The following KLHL29 variants were observed in gnomAD, a reference collection of about 807,000 sequenced individuals.
KLHL29 encodes the protein kelch like family member 29.
In KLHL29, 21 loss-of-function variants were observed where a neutral mutation model predicts 80.4. The ratio of observed to expected loss-of-function variants is 0.26; its 90% confidence interval spans 0.19 to 0.38. The LOEUF is 0.38. Among genes scored for constraint, KLHL29 ranks in the 10% least tolerant of loss-of-function variants. The probability of loss-of-function intolerance (pLI) is 1.00; values close to 1 mark genes in which losing one functional copy is unlikely to be tolerated. For synonymous variants in KLHL29, 511 were observed against 526.8 expected (o/e 0.97, Z 0.41); for missense variants, 867 against 1,223.9 (o/e 0.71, Z 4.35).
chr2:23,386,862 C>T (rs533297809), intron 1 of KLHL29, among the ~76,000 whole-genome samples: 2 of 152,180 alleles, frequency 1.3e-5, no homozygotes, highest in African/African-American at 4.8e-5. Flanking sequence ...GGACGCGCTG[C>T]CTGCCTGCGG....
intron 2 of KLHL29, among the ~76,000 whole-genome samples, chr2:23,516,711 G>T (rs564963317): frequency 6.6e-6 from 1 of 152,238 alleles, no homozygotes; most frequent in Non-Finnish European, 1.5e-5. Context: ...GGGCTGGGAA[G>T]TGGACCCTCG....
chr2:23,500,838 G>A lies in KLHL29; in HGVS notation c.-46+25171G>A, dbSNP rs796343385. Reference sequence around the variant, plus strand: ...GGATTTCAAATCCTGCACGTGGAGTGAGTAGCTTTTTTGAGTTCAGTTCAC... The same window carrying A: ...GGATTTCAAATCCTGCACGTGGAGTAAGTAGCTTTTTTGAGTTCAGTTCAC... On this transcript the variant is annotated intron_variant, in intron 2 of 13. Coordinates refer to ENST00000486442, the MANE Select transcript of KLHL29 (RefSeq NM_052920.2). 1.7e-4 allele frequency among the ~76,000 whole-genome samples: 26 copies of A among 152,320 alleles called. 1 individual carries two copies. The highest frequency in any genetic ancestry group is 6.3e-4 in the African/African-American group (26 of 41,566).
intron 1 of KLHL29, among the ~76,000 whole-genome samples, chr2:23,422,501 C>T (rs1010261301): frequency 5.5e-5 from 8 of 146,492 alleles, no homozygotes; most frequent in Non-Finnish European, 1.0e-4. Context: ...GTGTCTGCCT[C>T]TGTGTGTTAT....
intron 1 of KLHL29, among the ~76,000 whole-genome samples, chr2:23,421,597 G>A (rs993131745): frequency 1.5e-5 from 2 of 134,510 alleles, no homozygotes; most frequent in South Asian, 2.6e-4. Context: ...TGTCTGTGTC[G>A]GCATGTCTGC....
intron 2 of KLHL29, among the ~76,000 whole-genome samples, chr2:23,561,344 G>A (rs1265702698): frequency 6.6e-6 from 1 of 152,194 alleles, no homozygotes; most frequent in African/African-American, 2.4e-5. Context: ...GTATCATGGT[G>A]TGTCCAGGTC....
chr2:23,538,666 G>A (rs1044291446), intron 2 of KLHL29, among the ~76,000 whole-genome samples: 1 of 152,194 alleles, frequency 6.6e-6, no homozygotes, highest in Non-Finnish European at 1.5e-5. Context: ...TAGCTGTCTG[G>A]GCTGCACATT....
chr2:23,562,012 T>A lies in KLHL29; in HGVS notation c.-45-140T>A. The stretch of plus-strand genomic sequence containing the variant: ...GTGGGGCTAATTAATGATCCATGCT[T>A]TGTGGGCTAGCGTGACTCTGAAATG... On this transcript the variant is annotated intron_variant, in intron 2 of 13. Transcript: ENST00000486442. The surrounding 1 kb of genome is among the most constrained non-coding windows in gnomAD (Gnocchi z 4.5). 1.5e-6 allele frequency: 1 copy of A among 648,162 alleles called. No individual in the cohort carries two copies. Among genetic ancestry groups the A allele is most frequent in the Non-Finnish European group, 2.6e-6 (1 of 380,496 alleles). 40.2% of individuals were successfully genotyped at this position (648,162 alleles called of 1,614,324 possible).
chr2:23,391,325 A>G (rs1666317359), intron 1 of KLHL29, among the ~76,000 whole-genome samples: 1 of 152,172 alleles, frequency 6.6e-6, no homozygotes, highest in Non-Finnish European at 1.5e-5. Flanking sequence ...GGTTGCTTCC[A>G]TGTTGTAGCT....
At chr2:23,643,958 C>CGAAA (rs1669849241) in intron 5 of KLHL29, 1 of 150,884 alleles carries the variant, frequency 6.6e-6, no homozygotes, top group African/African-American at 2.5e-5. Context: ...CTCTGCCTTT[C>CGAAA]GGCAGAGCAA....
intron 1 of KLHL29, among the ~76,000 whole-genome samples, chr2:23,432,925 A>G (rs1663224084): frequency 6.6e-6 from 1 of 152,218 alleles, no homozygotes; most frequent in Non-Finnish European, 1.5e-5. Flanking sequence ...GAGACAGGAA[A>G]GGGCATGGTG....
chr2:23,388,649 A>G (rs1178249750), intron 1 of KLHL29, among the ~76,000 whole-genome samples: 1 of 152,124 alleles, frequency 6.6e-6, no homozygotes, highest in African/African-American at 2.4e-5. Context: ...TCCTTCTTTT[A>G]TCAATTGATT....
rs1008635497 is a variant in KLHL29, at chr2:23,562,515, G to A, written c.285+34G>A. On this transcript the variant is annotated intron_variant, in intron 3 of 13. Coordinates refer to ENST00000486442, the MANE Select transcript of KLHL29 (RefSeq NM_052920.2). The surrounding 1 kb of genome is among the most constrained non-coding windows in gnomAD (Gnocchi z 4.5). ...TGGTGTCATCTCTGAGCAGGAGCCGGACAGAGGGGCCCTGCCTCCCTGCAG... is the reference window on the plus strand; with the variant it reads ...TGGTGTCATCTCTGAGCAGGAGCCGAACAGAGGGGCCCTGCCTCCCTGCAG... The A allele has an allele frequency of 6.5e-7, 1 of 1,531,188 alleles. No individual in the cohort carries two copies. The highest frequency in any genetic ancestry group is 8.7e-7 in the Non-Finnish European group (1 of 1,144,904). The allele number at this position is 1,531,188 out of a possible 1,614,324, so 94.9% of individuals were successfully genotyped here. A position where few individuals can be genotyped will look rare whatever the true frequency, so the allele number is the denominator to read the frequency against.
At chr2:23,572,594 A>G (rs1264580657) in intron 3 of KLHL29, among the ~76,000 whole-genome samples, 1 of 152,102 alleles carries the variant, frequency 6.6e-6, no homozygotes, top group East Asian at 1.9e-4. Flanking sequence ...TTATTAATTT[A>G]TTTAGCCACT....
intron 5 of KLHL29, among the ~76,000 whole-genome samples, chr2:23,674,209 C>T (rs915552499): frequency 4.6e-5 from 7 of 152,206 alleles, no homozygotes; most frequent in Non-Finnish European, 7.3e-5. Flanking sequence ...GCTCTGCACA[C>T]GTGCCGATTT....
At position 23,566,873 on chromosome 2, in the gene KLHL29, A is replaced by C. The variant is rs77264172; in HGVS notation, c.285+4392A>C. Among the ~76,000 whole-genome samples, 106 of 152,354 alleles carry C rather than the reference A, an allele frequency of 7.0e-4. 1 individual carries two copies. In the East Asian group the frequency reaches 0.018, roughly 25 times the overall value. The stretch of plus-strand genomic sequence containing the variant: ...TTAATTTTAGAAAGATAAACCATTG[A>C]CTGGGTCTACCCAGTTATTCATACA... On this transcript the variant is annotated intron_variant, in intron 3 of 13. Transcript: ENST00000486442.
intron 5 of KLHL29, among the ~76,000 whole-genome samples, chr2:23,653,939 G>T (rs1269019124): frequency 6.6e-6 from 1 of 152,080 alleles, no homozygotes; most frequent in Non-Finnish European, 1.5e-5. Flanking sequence ...GGCTGAGGCG[G>T]GTAGATCACC....
Position 23,680,041 on chromosome 2 carries a change from C to G in KLHL29, c.941-4358C>G, listed in dbSNP as rs935546880. On this transcript the variant is annotated intron_variant, in intron 5 of 13. Coordinates refer to ENST00000486442, the MANE Select transcript of KLHL29 (RefSeq NM_052920.2). The surrounding 1 kb of genome is among the most constrained non-coding windows in gnomAD (Gnocchi z 4.1). Reference sequence around the variant, plus strand: ...GAGGGCTGTGCTGCCCCTTCAGCCCCGAAGGATTTGTGTGGCCAGTGGCTG... The same window carrying G: ...GAGGGCTGTGCTGCCCCTTCAGCCCGGAAGGATTTGTGTGGCCAGTGGCTG... Among the ~76,000 whole-genome samples, 20 of 152,110 alleles carry G rather than the reference C, an allele frequency of 1.3e-4. No individual in the cohort carries two copies. The highest frequency in any genetic ancestry group is 1.3e-3 in the Admixed American group (20 of 15,280).
intron 2 of KLHL29, among the ~76,000 whole-genome samples, chr2:23,548,272 C>A (rs1667028586): frequency 6.6e-6 from 1 of 151,790 alleles, no homozygotes; most frequent in South Asian, 2.1e-4. Context: ...GGCACCCAGA[C>A]ACACAGGCGC....
chr2:23,585,987 T>C lies in KLHL29; in HGVS notation c.285+23506T>C, dbSNP rs977897939. On this transcript the variant is annotated intron_variant, in intron 3 of 13. Transcript: ENST00000486442. ...GCTGGGATGTGGCTGATGGGCTTTTTTCATTCCCAATGTTTAAGCCTAGCC... is the reference window on the plus strand; with the variant it reads ...GCTGGGATGTGGCTGATGGGCTTTTCTCATTCCCAATGTTTAAGCCTAGCC... 5.3e-5 allele frequency among the ~76,000 whole-genome samples: 8 copies of C among 152,278 alleles called. No individual in the cohort carries two copies. In the East Asian group the frequency reaches 1.5e-3, roughly 29 times the overall value.
Sources: gnomAD v4.1 joint callset for allele counts (sites outside exome capture counted in the v4.1 genomes callset) on GRCh38, gnomAD v4.1.1 for gene constraint, Gnocchi (gnomAD v3.1) non-coding constraint, MANE v1.5 for transcripts, NCBI Gene and HGNC (gene_info 2026-07-23, HGNC 2026-07-21) for gene names.